Variants in STK33 observed in about 807,000 individuals in gnomAD.
The protein encoded by STK33 is serine/threonine kinase 33.
STK33 carries 52 observed loss-of-function variants against 58.0 expected under a neutral mutation model. The observed-to-expected ratio is 0.90, with a 90% CI of 0.72 to 1.13. The LOEUF (loss-of-function observed/expected upper bound fraction) is 1.13, where lower values mean the gene tolerates loss of function less well. Among genes scored for constraint, STK33 ranks in the 50% most tolerant of loss-of-function variants. The pLI is 0.00. For missense variants in STK33, 630 were observed against 604.2 expected, an observed-to-expected ratio of 1.04 and a Z score of -0.45; for synonymous variants, 215 against 200.1, an observed-to-expected ratio of 1.07 and a Z score of -0.63.
chr11:8,435,784 T>A (rs759847605), intron 13 of STK33, among the ~76,000 whole-genome samples: 1 of 152,214 alleles, frequency 6.6e-6, no homozygotes, highest in Admixed American at 6.5e-5. Flanking sequence ...TAATGGTCTA[T>A]AGTAAACATT....
the STK33 span, among the ~76,000 whole-genome samples, chr11:8,385,178 T>C: frequency 6.6e-6 from 1 of 152,256 alleles, no homozygotes; most frequent in African/African-American, 2.4e-5. Context: ...CTCTCCATCT[T>C]CTCTGCCACC....
chr11:8,455,527 G>A (rs561366203), intron 9 of STK33, among the ~76,000 whole-genome samples: 3 of 152,010 alleles, frequency 2.0e-5, no homozygotes, highest in South Asian at 2.1e-4. Context: ...AGTTATACAC[G>A]GCCAGGCGCA....
intron 1 of STK33, among the ~76,000 whole-genome samples, chr11:8,582,954 T>A (rs1321688351): frequency 2.0e-5 from 3 of 152,214 alleles, no homozygotes; most frequent in African/African-American, 7.2e-5. Flanking sequence ...ATTTCTTTCA[T>A]AGAAGATCTG....
chr11:8,425,396 G>C (rs1477785496), intron 14 of STK33, among the ~76,000 whole-genome samples: 2 of 152,146 alleles, frequency 1.3e-5, no homozygotes, highest in Non-Finnish European at 2.9e-5. Context: ...TAGCCTTGTA[G>C]TATAGTTTGA....
the STK33 span, among the ~76,000 whole-genome samples, chr11:8,341,269 T>TAAG: frequency 6.6e-6 from 1 of 152,156 alleles, no homozygotes; most frequent in African/African-American, 2.4e-5. Context: ...CCCTTGTATC[T>TAAG]AACAAGGCTG....
intron 1 of STK33, among the ~76,000 whole-genome samples, chr11:8,510,774 TTA>T (rs1745319238): frequency 6.6e-6 from 1 of 152,120 alleles, no homozygotes; most frequent in Non-Finnish European, 1.5e-5. Flanking sequence ...TTTCCCAACT[TTA>T]TGTTTTTGTA....
intron 1 of STK33, among the ~76,000 whole-genome samples, chr11:8,498,448 T>A (rs751260577): frequency 2.0e-5 from 3 of 151,842 alleles, no homozygotes; most frequent in African/African-American, 7.3e-5. Context: ...AGGACACAAA[T>A]AAATGAAAAA....
At chr11:8,447,292 C>T (rs1370033611) in intron 11 of STK33, among the ~76,000 whole-genome samples, 1 of 152,096 alleles carries the variant, frequency 6.6e-6, no homozygotes, top group African/African-American at 2.4e-5. Flanking sequence ...TTTATGAGGC[C>T]AGCATCATCC....
intron 15 of STK33, among the ~76,000 whole-genome samples, chr11:8,409,328 T>A (rs1411893766): frequency 6.6e-6 from 1 of 152,238 alleles, no homozygotes; most frequent in Non-Finnish European, 1.5e-5. Flanking sequence ...GGCATGCTCT[T>A]CTCACGGCAG....
chr11:8,420,707 G>A (rs1426349339), intron 14 of STK33, among the ~76,000 whole-genome samples: 1 of 152,154 alleles, frequency 6.6e-6, no homozygotes, highest in Non-Finnish European at 1.5e-5. Context: ...TATTCAAAAA[G>A]GAATATTGAC....
chr11:8,393,024 A>G (rs993689319), intron 15 of STK33, among the ~76,000 whole-genome samples: 11 of 152,198 alleles, frequency 7.2e-5, no homozygotes, highest in African/African-American at 2.7e-4. Context: ...AATTGTACTC[A>G]CTTCATCTTT....
At chr11:8,413,156 T>TC (rs1940565972) in intron 15 of STK33, among the ~76,000 whole-genome samples, 1 of 152,174 alleles carries the variant, frequency 6.6e-6, no homozygotes, top group Non-Finnish European at 1.5e-5. Flanking sequence ...CCACACTCAT[T>TC]CATTTGTTGT....
At chr11:8,343,197 C>T in the STK33 span, among the ~76,000 whole-genome samples, 1 of 152,256 alleles carries the variant, frequency 6.6e-6, no homozygotes, top group African/African-American at 2.4e-5. Flanking sequence ...CATGAGGGGG[C>T]AGCGCCTGTC....
At chr11:8,402,180 G>A (rs1287379853) in intron 15 of STK33, among the ~76,000 whole-genome samples, 19 of 150,914 alleles carry the variant, frequency 1.3e-4, no homozygotes, top group South Asian at 1.0e-3. Context: ...TGTTTATTGC[G>A]GCACTATTCA....
At chr11:8,400,756 G>T (rs1434620121) in intron 15 of STK33, among the ~76,000 whole-genome samples, 1 of 152,074 alleles carries the variant, frequency 6.6e-6, no homozygotes, top group African/African-American at 2.4e-5. Flanking sequence ...TAAGCTGATA[G>T]GCAACTTCAG....
chr11:8,394,106 A>C (rs1464864242), intron 15 of STK33, among the ~76,000 whole-genome samples: 1 of 152,082 alleles, frequency 6.6e-6, no homozygotes, highest in African/African-American at 2.4e-5. Flanking sequence ...CCCTAAGCAA[A>C]CTTCTGGGTT....
chr11:8,373,657 A>G, the STK33 span, among the ~76,000 whole-genome samples: 1 of 152,118 alleles, frequency 6.6e-6, no homozygotes, highest in Non-Finnish European at 1.5e-5. Context: ...TACTGGCTCC[A>G]CTGCCACCGT....
intron 11 of STK33, among the ~76,000 whole-genome samples, chr11:8,451,071 T>C (rs1946214252): frequency 6.6e-6 from 1 of 152,136 alleles, no homozygotes; most frequent in African/African-American, 2.4e-5. Context: ...ATTTAAAAGA[T>C]AGGTAATATC....
At position 8,461,851 on chromosome 11, in the gene STK33, T is replaced by C; in HGVS notation, c.512A>G (p.Lys171Arg). ...TTCCAGATGTATGATGTGTTCATGT[T>C]TTACACTTTTCAGAATGTTCACCTC... is the stretch of plus-strand genomic sequence containing the variant. ...EREVNILKSV[K>R]HEHIIHLEQV... Residue 171 changes from lysine to arginine, a missense_variant, in exon 8 of 16, where the codon AAA becomes AGA. Lys to Arg is a conservative substitution (Grantham distance 26). Transcript: ENST00000687296. 1 of 1,603,472 alleles carries C rather than the reference T, an allele frequency of 6.2e-7. No homozygotes were observed. Among genetic ancestry groups the C allele is most frequent in the Non-Finnish European group, 8.5e-7 (1 of 1,176,012 alleles).
Sources: allele counts gnomAD v4.1 joint callset (sites outside exome capture counted in the v4.1 genomes callset), GRCh38; gene constraint gnomAD v4.1.1; transcripts MANE v1.5; gene names NCBI Gene and HGNC (gene_info 2026-07-23, HGNC 2026-07-21).